Variants in POGLUT1 observed in about 807,000 individuals in gnomAD.
POGLUT1 encodes 9630046K23Rik.
POGLUT1 carries 32 observed loss-of-function variants against 61.3 expected under a neutral mutation model. That is an observed-to-expected ratio of 0.52 (90% confidence interval 0.39 to 0.70). The LOEUF is 0.70. Among genes scored for constraint, POGLUT1 ranks in the 30% least tolerant of loss-of-function variants. POGLUT1 has a pLI of 0.00. For synonymous variants in POGLUT1, 158 were observed against 158.2 expected (o/e 1.00, Z 0.01); for missense variants, 411 against 469.8 (o/e 0.87, Z 1.16).
At chr3:119,477,563 TC>T in intron 4 of POGLUT1, 115 bp downstream of exon 4, 1 of 972,098 alleles carries the variant, frequency 1.0e-6, no homozygotes, top group Non-Finnish European at 1.6e-6. Flanking sequence ...AGGACTGAGG[TC>T]CAGAAATGGG....
Position 119,493,086 on chromosome 3 carries a change from T to C in POGLUT1, c.*648T>C, listed in dbSNP as rs1214019987. 1 of 152,026 alleles carries C rather than the reference T, an allele frequency of 6.6e-6. No homozygotes were observed. The highest frequency in any genetic ancestry group is 2.4e-5 in the African/African-American group (1 of 41,166). The allele number at this position is 152,026 out of a possible 1,614,324, so 9.4% of individuals were successfully genotyped here. A position where few individuals can be genotyped will look rare whatever the true frequency, so the allele number is the denominator to read the frequency against. ...CCAATTGCATGAGTAATTATTGCAATTGGATTTCAGGTTCCCTTTTTGTGC... is the reference window on the plus strand; with the variant it reads ...CCAATTGCATGAGTAATTATTGCAACTGGATTTCAGGTTCCCTTTTTGTGC... On this transcript the variant is annotated 3_prime_UTR_variant, in exon 11 of 11. Coordinates refer to ENST00000295588, the MANE Select transcript of POGLUT1 (RefSeq NM_152305.3).
intron 4 of POGLUT1, among the ~76,000 whole-genome samples, chr3:119,479,635 T>TTA (rs2081583599): frequency 6.6e-6 from 1 of 152,162 alleles, no homozygotes; most frequent in African/African-American, 2.4e-5. Context: ...TTCTTGGCTC[T>TTA]TACTCTCAAA....
chr3:119,469,340 G>C (rs1046742428), intron 1 of POGLUT1: 20 of 586,362 alleles, frequency 3.4e-5, no homozygotes, highest in Non-Finnish European at 6.1e-5. Flanking sequence ...AGGGAGGAGA[G>C]GGAATTCCCC....
chr3:119,469,770 A>G (rs758829752), intron 1 of POGLUT1, 50 bp from the exon 2 acceptor site: 9 of 957,958 alleles, frequency 9.4e-6, no homozygotes, highest in Non-Finnish European at 1.4e-5. Flanking sequence ...GTGTCAGCAA[A>G]TAACATTCAG....
intron 5 of POGLUT1, among the ~76,000 whole-genome samples, chr3:119,480,796 T>C (rs2081597449): frequency 1.3e-5 from 2 of 150,624 alleles, no homozygotes; most frequent in Admixed American, 6.6e-5. Flanking sequence ...TGGAGTGCAG[T>C]GGTGCTATCG....
chr3:119,469,559 A>G (rs537161396), intron 1 of POGLUT1, among the ~76,000 whole-genome samples: 1 of 152,222 alleles, frequency 6.6e-6, no homozygotes, highest in African/African-American at 2.4e-5. Flanking sequence ...CCGCGTCACT[A>G]TCCATAGCAT....
intron 7 of POGLUT1, 156 bp from the exon 8 acceptor site, chr3:119,488,773 T>C: frequency 2.4e-6 from 1 of 416,388 alleles, no homozygotes. Context: ...CCTTGGCTTC[T>C]GCATTTATAT....
At position 119,493,239 on chromosome 3, in the gene POGLUT1, T is replaced by G. The variant is rs2081775331; in HGVS notation, c.*801T>G. 1 of 152,354 alleles carries G rather than the reference T, an allele frequency of 6.6e-6. No homozygotes were observed. Among genetic ancestry groups the G allele is most frequent in the Non-Finnish European group, 1.5e-5 (1 of 68,016 alleles). The allele number at this position is 152,354 out of a possible 1,614,324, so 9.4% of individuals were successfully genotyped here. A position where few individuals can be genotyped will look rare whatever the true frequency, so the allele number is the denominator to read the frequency against. ...CCTCACCCTTTGCATACCTTTAATA[T>G]TTTTCCTTCTTAAATTGGCCACAGC... On this transcript the variant is annotated 3_prime_UTR_variant, in exon 11 of 11. Coordinates refer to ENST00000295588, the MANE Select transcript of POGLUT1 (RefSeq NM_152305.3).
chr3:119,491,002 A>T (rs2081737637), intron 9 of POGLUT1, among the ~76,000 whole-genome samples: 1 of 152,002 alleles, frequency 6.6e-6, no homozygotes, highest in Non-Finnish European at 1.5e-5. Flanking sequence ...AAAGATAGGG[A>T]TATTCAATCT....
At chr3:119,480,392 G>T (rs1344065178) in intron 5 of POGLUT1, among the ~76,000 whole-genome samples, 1 of 151,944 alleles carries the variant, frequency 6.6e-6, no homozygotes, top group Non-Finnish European at 1.5e-5. Flanking sequence ...GGGATTACAG[G>T]CATGTGCCAC....
At chr3:119,484,197 G>A (rs2081638236) in intron 5 of POGLUT1, among the ~76,000 whole-genome samples, 1 of 152,226 alleles carries the variant, frequency 6.6e-6, no homozygotes, top group Admixed American at 6.5e-5. Flanking sequence ...GAGGTCTGAG[G>A]GCCTGGAAAA....
chr3:119,477,923 T>C (rs944342630), intron 4 of POGLUT1, among the ~76,000 whole-genome samples: 1 of 152,212 alleles, frequency 6.6e-6, no homozygotes, highest in Non-Finnish European at 1.5e-5. Context: ...AGGTGCCAGA[T>C]AACTCCACAC....
chr3:119,477,317 AGTG>A lies in POGLUT1; in HGVS notation c.329_331del (p.Gly110del), dbSNP rs764016856. 1 of 1,614,034 alleles carries A rather than the reference AGTG, an allele frequency of 6.2e-7. No homozygotes were observed. The highest frequency in any genetic ancestry group is 8.5e-7 in the Non-Finnish European group (1 of 1,179,900). On this transcript the variant is annotated inframe_deletion, in exon 4 of 11. Coordinates refer to ENST00000295588, the MANE Select transcript of POGLUT1 (RefSeq NM_152305.3). ...TATGGTATGTCTGGTTGACAGGTGTAGTGGTGTTGAGCACTTTATTTTGGAAGT... is the reference window on the plus strand; with the variant it reads ...TATGGTATGTCTGGTTGACAGGTGTAGTGTTGAGCACTTTATTTTGGAAGT...
Position 119,469,041 on chromosome 3 carries a change from C to G in POGLUT1, c.20C>G (p.Ser7Trp). 6.2e-7 allele frequency: 1 copy of G among 1,609,086 alleles called. No homozygotes were observed. The highest frequency in any genetic ancestry group is 1.1e-5 in the South Asian group (1 of 90,718). The change falls in exon 1 of 11, where the codon TCG (serine) becomes TGG (tryptophan). Residue 7 changes from serine to tryptophan, a missense_variant. Physicochemically the swap from Ser to Trp is radical, Grantham distance 177. Transcript: ENST00000295588. MEWWASSPLRLWLLLFL... is the reference protein window; with the variant it reads MEWWASWPLRLWLLLFL... ...CCGGCGATGGAGTGGTGGGCTAGCT[C>G]GCCGCTTCGGCTCTGGCTGCTGTTG... is the stretch of plus-strand genomic sequence containing the variant.
At chr3:119,476,829 T>G (rs2081542964) in intron 3 of POGLUT1, among the ~76,000 whole-genome samples, 1 of 152,248 alleles carries the variant, frequency 6.6e-6, no homozygotes, top group Admixed American at 6.5e-5. Flanking sequence ...TTGAAGGTAA[T>G]GAAAGGTTTT....
chr3:119,478,983 G>T (rs1346587085), intron 4 of POGLUT1, among the ~76,000 whole-genome samples: 1 of 151,732 alleles, frequency 6.6e-6, no homozygotes, highest in Non-Finnish European at 1.5e-5. Flanking sequence ...GGAGTGCAGT[G>T]GCGCGATCTC....
Position 119,488,997 on chromosome 3 carries a change from G to T in POGLUT1, c.797+10G>T. ...ATCACTGCAAATACAAGTAAGATTTGCAGGACTCCTCACTTTCTTGGTTTC... is the reference window on the plus strand; with the variant it reads ...ATCACTGCAAATACAAGTAAGATTTTCAGGACTCCTCACTTTCTTGGTTTC... On this transcript the variant is annotated intron_variant, in intron 8 of 10. Coordinates refer to ENST00000295588, the MANE Select transcript of POGLUT1 (RefSeq NM_152305.3). The T allele has an allele frequency of 1.3e-6, 2 of 1,529,338 alleles. No homozygotes were observed. The highest frequency in any genetic ancestry group is 1.4e-5 in the African/African-American group (1 of 73,736). 94.7% of individuals were successfully genotyped at this position (1,529,338 alleles called of 1,614,324 possible).
At chr3:119,473,347 TG>T (rs2081498249) in intron 3 of POGLUT1, among the ~76,000 whole-genome samples, 1 of 151,932 alleles carries the variant, frequency 6.6e-6, no homozygotes, top group South Asian at 2.1e-4. Flanking sequence ...CCAAATGAAA[TG>T]AAATGCTTTC....
intron 5 of POGLUT1, among the ~76,000 whole-genome samples, chr3:119,482,053 A>G (rs950174052): frequency 2.0e-5 from 3 of 152,158 alleles, no homozygotes; most frequent in Non-Finnish European, 4.4e-5. Flanking sequence ...GGCATGAGCC[A>G]CCACACTAAG....
Sources: gnomAD v4.1 joint callset for allele counts (sites outside exome capture counted in the v4.1 genomes callset) on GRCh38, gnomAD v4.1.1 for gene constraint, MANE v1.5 for transcripts, NCBI Gene and HGNC (gene_info 2026-07-23, HGNC 2026-07-21) for gene names.